The following CDH13 variants were observed in gnomAD, a reference collection of about 807,000 sequenced individuals.
The protein encoded by CDH13 is cadherin-13.
A neutral mutation model predicts 63.8 loss-of-function variants in CDH13; 24 were observed. That is an observed-to-expected ratio of 0.38 (90% CI 0.27 to 0.53). The LOEUF (loss-of-function observed/expected upper bound fraction) is 0.53. CDH13 is among the 20% of genes least tolerant of loss of function. The pLI is 0.85. For missense variants in CDH13, 1,049 were observed against 903.1 expected (o/e 1.16, Z -2.07); for synonymous variants, 503 against 355.3 (o/e 1.42, Z -4.67).
chr16:83,783,615 G>C lies in CDH13; in HGVS notation c.2134+143G>C, dbSNP rs551703495. 2.6e-4 allele frequency: 195 copies of C among 741,640 alleles called. 1 individual carries two copies. The highest frequency in any genetic ancestry group is 3.7e-4 in the Non-Finnish European group (155 of 422,144). 45.9% of individuals were successfully genotyped at this position (741,640 alleles called of 1,614,324 possible). On this transcript the variant is annotated intron_variant, in intron 13 of 13. Coordinates refer to ENST00000567109, the MANE Select transcript of CDH13 (RefSeq NM_001257.5). ...ATCTTTAGTGTATGTCTGTATGATA[G>C]AACATGTTATATGTAAAAGTGCTCC...
intron 7 of CDH13, among the ~76,000 whole-genome samples, chr16:83,590,389 G>C (rs2150735263): frequency 6.6e-6 from 1 of 152,256 alleles, no homozygotes; most frequent in East Asian, 1.9e-4. Context: ...GTTGTTTGAG[G>C]TAAGAGAGAG....
intron 2 of CDH13, among the ~76,000 whole-genome samples, chr16:82,888,866 A>G (rs1181883444): frequency 1.3e-5 from 2 of 152,180 alleles, no homozygotes; most frequent in African/African-American, 2.4e-5. Context: ...GTGGCCGGTT[A>G]TAAAATGTCT....
chr16:83,759,665 C>T (rs1393596308), intron 11 of CDH13, among the ~76,000 whole-genome samples: 1 of 151,986 alleles, frequency 6.6e-6, no homozygotes, highest in Non-Finnish European at 1.5e-5. Flanking sequence ...GTGGCTCATG[C>T]CCTATAATCC....
intron 6 of CDH13, among the ~76,000 whole-genome samples, chr16:83,401,764 C>A (rs74249522): frequency 1.7e-4 from 26 of 152,102 alleles, no homozygotes; most frequent in Non-Finnish European, 3.1e-4. Context: ...TAAACAGTTC[C>A]CTCAACAAAG....
At chr16:82,649,377 G>A (rs529757987) in intron 1 of CDH13, among the ~76,000 whole-genome samples, 94 of 152,252 alleles carry the variant, frequency 6.2e-4, no homozygotes, top group African/African-American at 2.3e-3. Context: ...AAGGAATCTG[G>A]TGAATTGTAA....
At chr16:83,562,643 A>C (rs1274084819) in intron 7 of CDH13, among the ~76,000 whole-genome samples, 1 of 152,150 alleles carries the variant, frequency 6.6e-6, no homozygotes, top group East Asian at 1.9e-4. Context: ...TGAACCTTCA[A>C]CCTTCATGCC....
chr16:83,338,185 A>T (rs796840701), intron 5 of CDH13, among the ~76,000 whole-genome samples: 8 of 2,936 alleles, frequency 2.7e-3, no homozygotes, highest in East Asian at 9.4e-3. Context: ...TCTTCTTTTT[A>T]AAAAAAAAAA....
At chr16:83,601,506 C>G (rs995678835) in intron 7 of CDH13, among the ~76,000 whole-genome samples, 5 of 152,114 alleles carry the variant, frequency 3.3e-5, no homozygotes, top group Admixed American at 2.0e-4. Flanking sequence ...CATGTGACAG[C>G]CTGTGCGACA....
At chr16:83,527,844 C>G (rs958025055) in intron 7 of CDH13, among the ~76,000 whole-genome samples, 1 of 152,170 alleles carries the variant, frequency 6.6e-6, no homozygotes. Flanking sequence ...CCATATCACA[C>G]TGTAAAGTAG....
intron 8 of CDH13, among the ~76,000 whole-genome samples, chr16:83,608,881 A>T (rs1362120971): frequency 6.6e-6 from 1 of 152,016 alleles, no homozygotes; most frequent in African/African-American, 2.4e-5. Context: ...TTTCTCTTCC[A>T]TGTCTGGCTG....
intron 5 of CDH13, among the ~76,000 whole-genome samples, chr16:83,327,218 T>C (rs905575278): frequency 2.0e-5 from 3 of 152,242 alleles, no homozygotes; most frequent in Non-Finnish European, 4.4e-5. Flanking sequence ...CAAAATCATA[T>C]ACTATCAGTC....
In CDH13 at chr16:83,735,972, C is replaced by A. The variant is rs77024197; in HGVS notation, c.1539-12136C>A. 21 of 152,188 alleles carry A rather than the reference C, an allele frequency of 1.4e-4. No homozygotes were observed. In the East Asian group the frequency reaches 4.1e-3, roughly 29 times the overall value. 9.4% of individuals were successfully genotyped at this position (152,188 alleles called of 1,614,324 possible). A position where few individuals can be genotyped will look rare whatever the true frequency, so the allele number is the denominator to read the frequency against. The stretch of plus-strand genomic sequence containing the variant: ...ACACACTGAATGAAAAGAGTGTGAA[C>A]AAATGGATGAAGAGCCTCACACCAA... On this transcript the variant is annotated intron_variant, in intron 10 of 13. Transcript: ENST00000567109.
chr16:83,774,169 C>T (rs1044822341), intron 11 of CDH13, among the ~76,000 whole-genome samples: 1 of 152,162 alleles, frequency 6.6e-6, no homozygotes, highest in Non-Finnish European at 1.5e-5. Context: ...GTGATACCAG[C>T]AAGCCTAGGA....
At chr16:83,736,684 C>G (rs912039587) in intron 10 of CDH13, among the ~76,000 whole-genome samples, 3 of 152,124 alleles carry the variant, frequency 2.0e-5, no homozygotes, top group African/African-American at 7.2e-5. Flanking sequence ...CTAGCGGAAA[C>G]TATGTCAATC....
intron 8 of CDH13, among the ~76,000 whole-genome samples, chr16:83,615,234 A>G (rs1909187465): frequency 6.6e-6 from 1 of 152,164 alleles, no homozygotes; most frequent in African/African-American, 2.4e-5. Context: ...CTTTAGGAGA[A>G]GAGCTCTTTA....
chr16:83,466,603 G>A (rs1428253396), intron 6 of CDH13, among the ~76,000 whole-genome samples: 3 of 152,166 alleles, frequency 2.0e-5, no homozygotes, highest in African/African-American at 7.2e-5. Context: ...AAAACTCAGG[G>A]CCTCAATGTG....
intron 5 of CDH13, among the ~76,000 whole-genome samples, chr16:83,260,455 C>T (rs553612598): frequency 2.0e-5 from 3 of 150,936 alleles, no homozygotes; most frequent in Non-Finnish European, 3.0e-5. Flanking sequence ...TTCTGCGTGG[C>T]GCAGCCATCC....
At chr16:83,288,542 T>A (rs880914) in intron 5 of CDH13, among the ~76,000 whole-genome samples, 27,747 of 151,964 alleles carry the variant, frequency 0.18, 2,613 homozygotes, top group Admixed American at 0.21. Flanking sequence ...CTGGAAGCCA[T>A]CCCCCAAGCT....
chr16:83,496,771 G>T (rs1048028925), intron 7 of CDH13, among the ~76,000 whole-genome samples: 4 of 151,976 alleles, frequency 2.6e-5, no homozygotes, highest in African/African-American at 9.7e-5. Context: ...TCTGACAAAG[G>T]GCTAATATCC....
Sources: gnomAD v4.1 joint callset for allele counts (sites outside exome capture counted in the v4.1 genomes callset) on GRCh38, gnomAD v4.1.1 for gene constraint, MANE v1.5 for transcripts, NCBI Gene and HGNC (gene_info 2026-07-23, HGNC 2026-07-21) for gene names.